Variants in ULK4 observed in about 807,000 individuals in gnomAD.
ULK4 encodes the protein inactive serine/threonine-protein kinase ULK4.
ULK4 carries 133 observed loss-of-function variants against 160.6 expected under a neutral mutation model. That is an observed-to-expected ratio of 0.83 (90% CI 0.72 to 0.96). The LOEUF is 0.96. ULK4 is among the 40% of genes least tolerant of loss of function. ULK4 has a pLI of 0.00. For synonymous variants in ULK4, 534 were observed against 539.8 expected (o/e 0.99, Z 0.15); for missense variants, 1,580 against 1,499.5 (o/e 1.05, Z -0.89).
intron 32 of ULK4, among the ~76,000 whole-genome samples, chr3:41,504,958 A>T (rs2125918520): frequency 6.6e-6 from 1 of 152,282 alleles, no homozygotes; most frequent in Non-Finnish European, 1.5e-5. Flanking sequence ...GTAGCTAAAC[A>T]AGCATAATAT....
chr3:41,584,779 C>A (rs1211064007), intron 31 of ULK4, among the ~76,000 whole-genome samples: 1 of 152,112 alleles, frequency 6.6e-6, no homozygotes, highest in Admixed American at 6.5e-5. Flanking sequence ...TACATAATGT[C>A]AAATTCTAAC....
intron 1 of ULK4, among the ~76,000 whole-genome samples, chr3:41,959,656 T>C (rs971136668): frequency 2.0e-5 from 3 of 152,154 alleles, no homozygotes; most frequent in African/African-American, 7.2e-5. Flanking sequence ...GAACCAATCC[T>C]GGCCTAGCAC....
intron 17 of ULK4, among the ~76,000 whole-genome samples, chr3:41,852,082 A>G (rs1293629016): frequency 2.6e-5 from 4 of 152,220 alleles, no homozygotes; most frequent in African/African-American, 9.6e-5. Context: ...AGAAATAAAA[A>G]CTACCATCAG....
At chr3:41,784,660 C>T (rs900632965) in intron 21 of ULK4, among the ~76,000 whole-genome samples, 1 of 152,116 alleles carries the variant, frequency 6.6e-6, no homozygotes, top group Admixed American at 6.5e-5. Context: ...AAATCAAGCA[C>T]TCATGATGCA....
chr3:41,557,618 T>C (rs1046277327), intron 32 of ULK4, among the ~76,000 whole-genome samples: 1 of 149,544 alleles, frequency 6.7e-6, no homozygotes, highest in African/African-American at 2.5e-5. Flanking sequence ...AAAAAAAAAT[T>C]AGCCAGGCAT....
At chr3:41,629,037 A>G (rs1054290142) in intron 30 of ULK4, among the ~76,000 whole-genome samples, 17 of 152,084 alleles carry the variant, frequency 1.1e-4, no homozygotes, top group Non-Finnish European at 1.8e-4. Flanking sequence ...TCTTTTTTGA[A>G]TTTCATCTTT....
intron 4 of ULK4, among the ~76,000 whole-genome samples, chr3:41,935,508 C>T (rs895712930): frequency 3.3e-5 from 5 of 151,858 alleles, no homozygotes; most frequent in African/African-American, 4.8e-5. Flanking sequence ...GGATTATAGG[C>T]GTGAGCCACC....
At chr3:41,550,533 G>A (rs1691971) in intron 32 of ULK4, among the ~76,000 whole-genome samples, 77,538 of 151,652 alleles carry the variant, frequency 0.51, 19,918 homozygotes, top group Middle Eastern at 0.58. Context: ...GTCAAAACAC[G>A]AAAAAGAAAC....
At chr3:41,675,234 G>A (rs138564590) in intron 29 of ULK4, among the ~76,000 whole-genome samples, 206 of 150,484 alleles carry the variant, frequency 1.4e-3, no homozygotes, top group African/African-American at 4.4e-3. Context: ...GCAAGACTCC[G>A]TCTCAAAAAA....
chr3:41,868,808 T>G lies in ULK4; in HGVS notation c.1656+15066A>C, dbSNP rs377016482. ...CACTGGACCAGCTAGGTCTTTTTTT[T>G]CCCCCCCAATATGACAATCTCTGCC... is the stretch of plus-strand genomic sequence containing the variant. On this transcript the variant is annotated intron_variant, in intron 17 of 36. Coordinates refer to ENST00000301831, the MANE Select transcript of ULK4 (RefSeq NM_017886.4). 1.5e-3 allele frequency among the ~76,000 whole-genome samples: 233 copies of G among 151,788 alleles called. 1 individual carries two copies. The highest frequency in any genetic ancestry group is 5.4e-3 in the African/African-American group (222 of 41,356).
intron 17 of ULK4, among the ~76,000 whole-genome samples, chr3:41,865,932 C>G (rs1222687554): frequency 6.6e-6 from 1 of 151,774 alleles, no homozygotes; most frequent in Non-Finnish European, 1.5e-5. Context: ...GCAAGTTGGA[C>G]TTCATCAAAA....
chr3:41,480,627 T>C (rs1364295881), intron 32 of ULK4, among the ~76,000 whole-genome samples: 1 of 152,240 alleles, frequency 6.6e-6, no homozygotes, highest in East Asian at 1.9e-4. Context: ...TTTTATTGTA[T>C]AATATTCTAT....
At position 41,895,554 on chromosome 3, in the gene ULK4, A is replaced by G. The variant is rs1698123466; in HGVS notation, c.1541T>C (p.Leu514Pro). 1 of 1,513,744 alleles carries G rather than the reference A, an allele frequency of 6.6e-7. No homozygotes were observed. The highest frequency in any genetic ancestry group is 8.8e-7 in the Non-Finnish European group (1 of 1,131,192). The allele number at this position is 1,513,744 out of a possible 1,614,324, so 93.8% of individuals were successfully genotyped here. The change falls in exon 16 of 37, where the codon CTA becomes CCA. Residue 514 changes from leucine (L) to proline (P), a missense_variant. Transcript: ENST00000301831. The stretch of plus-strand genomic sequence containing the variant: ...TGGAGCTATCCGCAAATGCTGGATT[A>G]GCAATTGGAACTAGAATAAGAAATT... ...RLLHSPLFQLLIQHLRIAPNW... is the reference protein window; with the variant it reads ...RLLHSPLFQLPIQHLRIAPNW...
At chr3:41,508,820 C>G (rs1477649405) in intron 32 of ULK4, among the ~76,000 whole-genome samples, 3 of 152,146 alleles carry the variant, frequency 2.0e-5, no homozygotes, top group African/African-American at 7.2e-5. Flanking sequence ...AGAATCTGAA[C>G]AGCAGCCCTT....
chr3:41,592,375 G>C (rs570714958), intron 31 of ULK4, among the ~76,000 whole-genome samples: 1 of 152,116 alleles, frequency 6.6e-6, no homozygotes, highest in Non-Finnish European at 1.5e-5. Context: ...AGGGGTCCTC[G>C]GGCGGGCTGC....
At chr3:41,913,709 T>G (rs1698875535) in intron 8 of ULK4, among the ~76,000 whole-genome samples, 1 of 152,110 alleles carries the variant, frequency 6.6e-6, no homozygotes, top group Non-Finnish European at 1.5e-5. Flanking sequence ...ACACCTGTAA[T>G]CCCAGCATTT....
At chr3:41,782,213 C>A (rs1021602625) in intron 21 of ULK4, among the ~76,000 whole-genome samples, 1 of 150,934 alleles carries the variant, frequency 6.6e-6, no homozygotes, top group Non-Finnish European at 1.5e-5. Flanking sequence ...ATCTGGCATG[C>A]CTATTTTATG....
At chr3:41,400,880 A>G (rs1186850211) in intron 34 of ULK4, among the ~76,000 whole-genome samples, 1 of 152,164 alleles carries the variant, frequency 6.6e-6, no homozygotes, top group Non-Finnish European at 1.5e-5. Context: ...CCACTCTGCT[A>G]GATAGATGGT....
At chr3:41,597,557 T>G (rs2031778104) in intron 31 of ULK4, among the ~76,000 whole-genome samples, 2 of 152,150 alleles carry the variant, frequency 1.3e-5, no homozygotes, top group Admixed American at 6.5e-5. Flanking sequence ...AACAGTGAGT[T>G]CCACAGAGGA....
Sources: allele counts gnomAD v4.1 joint callset (sites outside exome capture counted in the v4.1 genomes callset), GRCh38; gene constraint gnomAD v4.1.1; transcripts MANE v1.5; gene names NCBI Gene and HGNC (gene_info 2026-07-23, HGNC 2026-07-21).